SYNE1: variants seen among roughly 807,000 people sequenced by gnomAD.
SYNE1 encodes the protein spectrin repeat containing nuclear envelope protein 1, also known as nesprin-1.
Under a neutral mutation model 1,111.0 loss-of-function variants are expected in SYNE1, and 616 were observed. The ratio of observed to expected loss-of-function variants is 0.55; its 90% confidence interval spans 0.52 to 0.59. The LOEUF is 0.59. SYNE1 is among the 20% of genes least tolerant of loss of function. The pLI is 0.00. For synonymous variants in SYNE1, 3,855 were observed against 3,825.8 expected, an observed-to-expected ratio of 1.01 and a Z score of -0.28; for missense variants, 10,006 against 10,417.0, an observed-to-expected ratio of 0.96 and a Z score of 1.72.
intron 14 of SYNE1, among the ~76,000 whole-genome samples, chr6:152,476,184 T>C (rs2098833291): frequency 1.3e-5 from 2 of 152,210 alleles, no homozygotes; most frequent in Non-Finnish European, 2.9e-5. Context: ...ACTTCTTCCC[T>C]GAGCTCTCTT....
intron 141 of SYNE1, among the ~76,000 whole-genome samples, chr6:152,135,936 G>A (rs984517702): frequency 1.3e-5 from 2 of 152,048 alleles, no homozygotes; most frequent in Admixed American, 6.6e-5. Context: ...TGGTCACAAT[G>A]GCCTGTTTTC....
In SYNE1 at chr6:152,132,296, C is replaced by T. The variant is rs1000136766; in HGVS notation, c.26002-82G>A. On this transcript the variant is annotated intron_variant, in intron 143 of 145. Coordinates refer to ENST00000367255, the MANE Select transcript of SYNE1 (RefSeq NM_182961.4). ...CTGTTGCACCACGTTATCTCCCACTCCATCTCCATCCACCCCCATGTCTCC... is the reference window on the plus strand; with the variant it reads ...CTGTTGCACCACGTTATCTCCCACTTCATCTCCATCCACCCCCATGTCTCC... 1.6e-5 allele frequency: 18 copies of T among 1,091,608 alleles called. No homozygotes were observed. The African/African-American group carries it at 2.8e-4, about 17-fold the overall frequency. The allele number at this position is 1,091,608 out of a possible 1,614,324, so 67.6% of individuals were successfully genotyped here.
rs1298919784 is a variant in SYNE1 at position 152,358,356 on chromosome 6, GA to G, written c.10608+16del. ...CAGAATGAAGATTCCTTTGTTTTAG[GA>G]TAAAGGAGGCCTTACCTGAAGATCA... On this transcript the variant is annotated intron_variant, in intron 66 of 145. Transcript: ENST00000367255. The G allele has an allele frequency of 6.2e-7, 1 of 1,613,852 alleles. No homozygotes were observed. The highest frequency in any genetic ancestry group is 1.3e-5 in the African/African-American group (1 of 74,912).
intron 3 of SYNE1, among the ~76,000 whole-genome samples, chr6:152,613,320 T>C (rs1304629037): frequency 6.6e-6 from 1 of 152,202 alleles, no homozygotes; most frequent in East Asian, 1.9e-4. Context: ...ACAAAATCAA[T>C]GTGCAAAAGT....
At chr6:152,294,539 C>T (rs546171539) in intron 93 of SYNE1, among the ~76,000 whole-genome samples, 2 of 152,212 alleles carry the variant, frequency 1.3e-5, no homozygotes, top group East Asian at 3.9e-4. Context: ...AATTTAAAAA[C>T]TACTTGACTT....
chr6:152,270,734 T>A (rs912628459), intron 98 of SYNE1, among the ~76,000 whole-genome samples: 2 of 152,108 alleles, frequency 1.3e-5, no homozygotes, highest in Admixed American at 6.5e-5. Context: ...AGTTAGACTA[T>A]AAACAAACAG....
Position 152,450,642 on chromosome 6 carries a change from C to T in SYNE1, c.3378G>A (p.Trp1126Ter). The T allele has an allele frequency of 1.2e-6, 2 of 1,614,164 alleles. No individual in the cohort carries two copies. The highest frequency in any genetic ancestry group is 1.7e-6 in the Non-Finnish European group (2 of 1,180,038). ...GAGGCTACCTGCTAGTGTAGTCCTT[C>T]CACTTGTCTGGGTCTTCCATGAGCT... ...YRKLMEDPDK[W>*]KDYTSRFSEF... The change falls in exon 27 of 146, where the codon TGG becomes TGA. Residue 1126 changes from tryptophan (W) to a stop codon, truncating the protein, a stop_gained. Transcript: ENST00000367255. LOFTEE classifies it high-confidence loss of function.
intron 20 of SYNE1, 39 bp downstream of exon 20, chr6:152,462,699 A>G: frequency 3.7e-6 from 6 of 1,613,198 alleles, no homozygotes; most frequent in Non-Finnish European, 5.1e-6. Context: ...TCCTCTCACA[A>G]CAGAGTAGGC....
chr6:152,165,112 G>A (rs964671062), intron 130 of SYNE1, among the ~76,000 whole-genome samples: 10 of 143,072 alleles, frequency 7.0e-5, no homozygotes, highest in African/African-American at 2.6e-4. Context: ...GGCATTTAAA[G>A]AAGTGATTCT....
chr6:152,130,852 A>G, intron 144 of SYNE1, 74 bp from the exon 145 acceptor site: 1 of 1,484,850 alleles, frequency 6.7e-7, no homozygotes. Context: ...TACTAATGAA[A>G]ATTAAACTAA....
intron 3 of SYNE1, among the ~76,000 whole-genome samples, chr6:152,592,768 C>T (rs1023350196): frequency 6.6e-6 from 1 of 152,212 alleles, no homozygotes; most frequent in African/African-American, 2.4e-5. Flanking sequence ...CCTTCACTCA[C>T]AGATGAGAGG....
intron 5 of SYNE1, among the ~76,000 whole-genome samples, chr6:152,522,632 C>T (rs893974279): frequency 6.6e-6 from 1 of 152,000 alleles, no homozygotes; most frequent in African/African-American, 2.4e-5. Context: ...GAAATCATAC[C>T]GTTTTTCCAT....
intron 16 of SYNE1, 141 bp downstream of exon 16, chr6:152,471,456 A>G (rs1163051201): frequency 5.1e-6 from 4 of 779,448 alleles, no homozygotes; most frequent in Non-Finnish European, 8.6e-6. Context: ...TGAAAAGCTC[A>G]TAAACTTGTA....
chr6:152,355,026 C>G, intron 66 of SYNE1, 50 bp from the exon 67 acceptor site: 2 of 1,599,692 alleles, frequency 1.3e-6, no homozygotes, highest in Non-Finnish European at 1.7e-6. Flanking sequence ...TTCACACTTG[C>G]ATGGGTTAGC....
chr6:152,256,565 A>G (rs2090920620), intron 102 of SYNE1, 69 bp downstream of exon 102: 1 of 1,602,452 alleles, frequency 6.2e-7, no homozygotes, highest in African/African-American at 1.3e-5. Context: ...CACAGAGGCC[A>G]GGCAAATCAA....
chr6:152,462,442 T>C, intron 20 of SYNE1: 1 of 503,868 alleles, frequency 2.0e-6, no homozygotes, highest in Non-Finnish European at 3.5e-6. Flanking sequence ...TGAAAGTATT[T>C]AGGTGCGGGT....
intron 3 of SYNE1, among the ~76,000 whole-genome samples, chr6:152,605,765 C>T (rs2099613123): frequency 6.6e-6 from 1 of 152,132 alleles, no homozygotes; most frequent in Non-Finnish European, 1.5e-5. Context: ...AAATGCACAT[C>T]TTTAAAGGTA....
intron 128 of SYNE1, among the ~76,000 whole-genome samples, chr6:152,188,308 C>T (rs1423539888): frequency 6.6e-6 from 1 of 152,144 alleles, no homozygotes; most frequent in Non-Finnish European, 1.5e-5. Context: ...TGGGTCTGTT[C>T]TTCATTATGA....
chr6:152,472,683 T>G, intron 14 of SYNE1: 2 of 698,350 alleles, frequency 2.9e-6, no homozygotes, highest in East Asian at 2.7e-5. Flanking sequence ...TCAGACGTTT[T>G]AAAGGCACAT....
Sources: allele counts gnomAD v4.1 joint callset (sites outside exome capture counted in the v4.1 genomes callset), GRCh38; gene constraint gnomAD v4.1.1; transcripts MANE v1.5; gene names NCBI Gene and HGNC (gene_info 2026-07-23, HGNC 2026-07-21).